The following ZNFX1 variants were observed in gnomAD, a reference collection of about 807,000 sequenced individuals.
ZNFX1 encodes the protein zinc finger NFX1-type containing 1.
In ZNFX1, 78 loss-of-function variants were observed where a neutral mutation model predicts 179.8. That is an observed-to-expected ratio of 0.43 (90% CI 0.36 to 0.52). The LOEUF (loss-of-function observed/expected upper bound fraction) is 0.52. Ranked by LOEUF, ZNFX1 falls within the 20% of genes least tolerant of loss-of-function variation. ZNFX1 has a pLI of 0.00. For missense variants in ZNFX1, 1,927 were observed against 2,386.6 expected (o/e 0.81, Z 4.01); for synonymous variants, 848 against 868.5 (o/e 0.98, Z 0.42).
At chr20:49,253,003 G>C (rs929720275) in intron 11 of ZNFX1, among the ~76,000 whole-genome samples, 173 bp from the exon 12 acceptor site, 1 of 152,166 alleles carries the variant, frequency 6.6e-6, no homozygotes, top group Non-Finnish European at 1.5e-5. Context: ...AGGATTAGTA[G>C]AACTAAAGGT....
intron 1 of ZNFX1, 93 bp from the exon 2 acceptor site, chr20:49,275,980 A>G: frequency 1.3e-6 from 1 of 743,024 alleles, no homozygotes. Flanking sequence ...CTTTGTTAAC[A>G]TTTTAATGAT....
chr20:49,264,095 G>C (rs1401659301), intron 5 of ZNFX1, among the ~76,000 whole-genome samples: 2 of 152,178 alleles, frequency 1.3e-5, no homozygotes, highest in East Asian at 3.8e-4. Context: ...GATGGCGGGC[G>C]CCTGTAATCC....
chr20:49,269,807 A>T, intron 3 of ZNFX1, 135 bp downstream of exon 3: 1 of 1,048,250 alleles, frequency 9.5e-7, no homozygotes, highest in Non-Finnish European at 1.4e-6. Context: ...CTGCACATGT[A>T]CCCCTAAACC....
Position 49,248,740 on chromosome 20 carries a change from T to C in ZNFX1, c.4284A>G (p.Leu1428=). 2 of 1,613,428 alleles carry C rather than the reference T, an allele frequency of 1.2e-6. No homozygotes were observed. Among genetic ancestry groups the C allele is most frequent in the Non-Finnish European group, 1.7e-6 (2 of 1,180,042 alleles). Residue 1428 remains leucine, a synonymous_variant, in exon 14 of 14, where the codon CTA becomes CTG. Transcript: ENST00000396105. The surrounding 1 kb of genome is among the most constrained non-coding windows in gnomAD (Gnocchi z 4.6). The part of the protein sequence containing the change: ...HVEGLLYGGL[L]VKCTTKCGTI... The stretch of plus-strand genomic sequence containing the variant: ...TGCCACACTTTGTGGTACACTTGAC[T>C]AGCAGACCACCATACAGGAGGCCTT...
In ZNFX1 at chr20:49,249,398, C is replaced by T. The variant is rs760195399; in HGVS notation, c.3626G>A (p.Gly1209Asp). The stretch of plus-strand genomic sequence containing the variant: ...GATGCGGTTGGATATCTGCAGAAAA[C>T]CCACCTTGCCTTCTTGGTTGCTCCG... ...LVRSNQEGKV[G>D]FLQISNRICV... The change falls in exon 14 of 14, where the codon GGT (glycine) becomes GAT (aspartate). Residue 1209 changes from glycine to aspartate, a missense_variant. Physicochemically the swap from Gly to Asp is moderately conservative, Grantham distance 94 (BLOSUM62 -1). Coordinates refer to ENST00000396105, the MANE Select transcript of ZNFX1 (RefSeq NM_021035.3). 2 of 1,614,254 alleles carry T rather than the reference C, an allele frequency of 1.2e-6. No individual in the cohort carries two copies. Among genetic ancestry groups the T allele is most frequent in the Non-Finnish European group, 1.7e-6 (2 of 1,180,048 alleles).
chr20:49,261,307 C>T (rs1981104780), intron 6 of ZNFX1, among the ~76,000 whole-genome samples: 1 of 152,090 alleles, frequency 6.6e-6, no homozygotes, highest in African/African-American at 2.4e-5. Flanking sequence ...TCTAATCAAC[C>T]TAAATGCGCA....
rs1414787832 is a variant in ZNFX1 at position 49,247,628 on chromosome 20, C to A, written c.5396G>T (p.Cys1799Phe). 3.7e-6 allele frequency: 6 copies of A among 1,614,210 alleles called. No homozygotes were observed. Among genetic ancestry groups the A allele is most frequent in the Non-Finnish European group, 5.1e-6 (6 of 1,180,048 alleles). ...YSVQNILEKT[C>F]KFTQEDEQLV... ...TTGTTCATCCTCTTGGGTGAACTTACATGTTTTCTCAAGGATATTCTGGAC... is the reference window on the plus strand; with the variant it reads ...TTGTTCATCCTCTTGGGTGAACTTAAATGTTTTCTCAAGGATATTCTGGAC... Residue 1799 changes from cysteine (C) to phenylalanine (F), a missense_variant, in exon 14 of 14, where the codon TGT (cysteine) becomes TTT (phenylalanine). Cys to Phe is a radical substitution (Grantham distance 205). Transcript: ENST00000396105.
chr20:49,258,476 GT>G (rs1271070934), intron 7 of ZNFX1, among the ~76,000 whole-genome samples: 1 of 152,078 alleles, frequency 6.6e-6, no homozygotes, highest in Non-Finnish European at 1.5e-5. Context: ...TTTTTGTTAC[GT>G]TTTACGTTAA....
intron 8 of ZNFX1, among the ~76,000 whole-genome samples, chr20:49,257,215 G>T (rs1288368941): frequency 6.6e-6 from 1 of 152,136 alleles, no homozygotes; most frequent in Non-Finnish European, 1.5e-5. Flanking sequence ...TTCTAAGTTG[G>T]CATTTCTTGC....
Position 49,270,726 on chromosome 20 carries a change from G to C in ZNFX1, c.1086C>G (p.Tyr362Ter). The C allele has an allele frequency of 5.0e-6, 8 of 1,614,134 alleles. No individual in the cohort carries two copies. The highest frequency in any genetic ancestry group is 6.8e-6 in the Non-Finnish European group (8 of 1,180,038). The change falls in exon 3 of 14, where the codon TAC becomes TAG. Residue 362 changes from tyrosine to a stop codon, truncating the protein, a stop_gained. Transcript: ENST00000396105. LOFTEE classifies it high-confidence loss of function. The surrounding 1 kb of genome is among the most constrained non-coding windows in gnomAD (Gnocchi z 4.6). Reference protein sequence around the residue: ...FLRPNIISGKYDSTAIYLDTH... With the variant: ...FLRPNIISGK ...TATCCAGATAGATAGCAGTGCTGTC[G>C]TATTTTCCAGAAATGATATTGGGGC...
intron 2 of ZNFX1, 130 bp from the exon 3 acceptor site, chr20:49,271,880 G>A (rs2146742953): frequency 1.9e-6 from 2 of 1,070,538 alleles, no homozygotes; most frequent in Non-Finnish European, 2.6e-6. Flanking sequence ...AAGAAAAACG[G>A]TTTCTACCAA....
intron 3 of ZNFX1, among the ~76,000 whole-genome samples, chr20:49,266,729 G>A: frequency 8.2e-6 from 1 of 121,574 alleles, no homozygotes; most frequent in Admixed American, 1.1e-4. Context: ...TATTGATGCT[G>A]TATATATTGT....
chr20:49,276,870 C>T (rs889118149), intron 1 of ZNFX1, among the ~76,000 whole-genome samples: 1 of 152,164 alleles, frequency 6.6e-6, no homozygotes. Context: ...CTTATCAAAC[C>T]CAGCCCTCCT....
Position 49,270,438 on chromosome 20 carries a change from C to T in ZNFX1, c.1374G>A (p.Lys458=). 3.7e-6 allele frequency: 6 copies of T among 1,614,202 alleles called. No individual in the cohort carries two copies. The highest frequency in any genetic ancestry group is 5.1e-6 in the Non-Finnish European group (6 of 1,180,044). Reference sequence around the variant, plus strand: ...CAAAAAGAAATGTCTCGAAGTTGTCCTTGGACATGCATACCAAAGACCCAT... The same window carrying T: ...CAAAAAGAAATGTCTCGAAGTTGTCTTTGGACATGCATACCAAAGACCCAT... ...LLYGSLVCMS[K]DNFETFLFAT... is the part of the protein sequence containing the mutation. The change falls in exon 3 of 14, where the codon AAG becomes AAA. Residue 458 remains lysine, a synonymous_variant. Transcript: ENST00000396105. The surrounding 1 kb of genome is among the most constrained non-coding windows in gnomAD (Gnocchi z 4.6).
Position 49,247,402 on chromosome 20 carries a change from T to C in ZNFX1, c.5622A>G (p.Glu1874=). The C allele has an allele frequency of 6.2e-7, 1 of 1,614,172 alleles. No individual in the cohort carries two copies. The highest frequency in any genetic ancestry group is 1.1e-5 in the South Asian group (1 of 91,088). ...GAGTATGATTTGTGCCACCAATCACTTCCTTACAGTCAGGACACGTGCCCC... is the reference window on the plus strand; with the variant it reads ...GAGTATGATTTGTGCCACCAATCACCTCCTTACAGTCAGGACACGTGCCCC... ...MERGTCPDCK[E]VIGGTNHTLE... The change falls in exon 14 of 14, where the codon GAA becomes GAG. Residue 1874 remains glutamate, a synonymous_variant. Coordinates refer to ENST00000396105, the MANE Select transcript of ZNFX1 (RefSeq NM_021035.3).
intron 7 of ZNFX1, among the ~76,000 whole-genome samples, chr20:49,258,963 T>C: frequency 6.7e-6 from 1 of 149,628 alleles, no homozygotes; most frequent in Non-Finnish European, 1.5e-5. Flanking sequence ...ATAAGCTGGG[T>C]GTGGTGAGTG....
At chr20:49,253,964 A>G (rs1410973354) in intron 10 of ZNFX1, among the ~76,000 whole-genome samples, 153 bp from the exon 11 acceptor site, 2 of 152,172 alleles carry the variant, frequency 1.3e-5, no homozygotes, top group African/African-American at 4.8e-5. Flanking sequence ...CCAGAACATT[A>G]AAACTGTGTT....
Position 49,249,717 on chromosome 20 carries a change from A to G in ZNFX1, c.3313-6T>C. On this transcript the variant is annotated splice_polypyrimidine_tract_variant and splice_region_variant and intron_variant, in intron 13 of 13. Transcript: ENST00000396105. ...AAAAGGTTGGAAGACACCCCCTGAC[A>G]GGGAAAAGAAGTGACATGTTAAAAG... 3 of 1,602,386 alleles carry G rather than the reference A, an allele frequency of 1.9e-6. No homozygotes were observed. Among genetic ancestry groups the G allele is most frequent in the Middle Eastern group, 1.7e-4 (1 of 5,990 alleles).
chr20:49,259,119 T>A (rs6019713), intron 7 of ZNFX1, among the ~76,000 whole-genome samples: 24,730 of 90,342 alleles, frequency 0.27, 3,541 homozygotes, highest in African/African-American at 0.43. Flanking sequence ...CAAAAAAAAA[T>A]AAATAAATAA....
Sources: allele counts gnomAD v4.1 joint callset (sites outside exome capture counted in the v4.1 genomes callset), GRCh38; gene constraint gnomAD v4.1.1; non-coding constraint Gnocchi (gnomAD v3.1); transcripts MANE v1.5; gene names NCBI Gene and HGNC (gene_info 2026-07-23, HGNC 2026-07-21).